Variants in CNTN4 observed in about 807,000 individuals in gnomAD.
CNTN4 encodes contactin-4.
A neutral mutation model predicts 122.5 loss-of-function variants in CNTN4; 77 were observed. The observed-to-expected ratio is 0.63, with a 90% CI of 0.52 to 0.76. The LOEUF is 0.76. Ranked by LOEUF, CNTN4 falls within the 30% of genes least tolerant of loss-of-function variation. The probability of loss-of-function intolerance (pLI) is 0.00; values close to 1 mark genes in which losing one functional copy is unlikely to be tolerated. For synonymous variants in CNTN4, 512 were observed against 447.0 expected (o/e 1.15, Z -1.83); for missense variants, 1,256 against 1,259.1 (o/e 1.00, Z 0.04).
intron 3 of CNTN4, among the ~76,000 whole-genome samples, chr3:2,520,330 T>A (rs1478158454): frequency 1.4e-5 from 2 of 138,392 alleles, no homozygotes; most frequent in South Asian, 2.3e-4. Context: ...TGGAGTGCAG[T>A]GGCACAATCT....
chr3:3,033,717 A>T (rs1699373530), intron 16 of CNTN4, among the ~76,000 whole-genome samples: 1 of 152,168 alleles, frequency 6.6e-6, no homozygotes, highest in Non-Finnish European at 1.5e-5. Context: ...ACTGCCTGGT[A>T]AGAGATTTTC....
chr3:2,302,944 G>T (rs2042576645), intron 2 of CNTN4, among the ~76,000 whole-genome samples: 1 of 152,194 alleles, frequency 6.6e-6, no homozygotes, highest in African/African-American at 2.4e-5. Context: ...AATATGTTTT[G>T]TATAATGGTG....
chr3:2,947,148 G>A (rs531980203), intron 13 of CNTN4, among the ~76,000 whole-genome samples: 15 of 152,200 alleles, frequency 9.9e-5, no homozygotes, highest in East Asian at 3.9e-4. Context: ...CATTGTTTTC[G>A]CATTGTAGTT....
At chr3:2,644,824 C>T (rs987564393) in intron 4 of CNTN4, among the ~76,000 whole-genome samples, 2 of 147,104 alleles carry the variant, frequency 1.4e-5, no homozygotes, top group Non-Finnish European at 3.0e-5. Flanking sequence ...GAGATAAACG[C>T]AGTGACTCTA....
intron 2 of CNTN4, among the ~76,000 whole-genome samples, chr3:2,270,892 G>A (rs2041267075): frequency 6.6e-6 from 1 of 152,156 alleles, no homozygotes; most frequent in African/African-American, 2.4e-5. Context: ...CCTATGTGAA[G>A]TGTTAGTTCA....
chr3:2,100,171 T>C (rs2031794222), intron 1 of CNTN4, among the ~76,000 whole-genome samples: 1 of 152,110 alleles, frequency 6.6e-6, no homozygotes, highest in Admixed American at 6.5e-5. Context: ...TGAGGTGTGT[T>C]GGAGGTTTAT....
intron 4 of CNTN4, among the ~76,000 whole-genome samples, chr3:2,714,125 A>G (rs971847550): frequency 6.6e-6 from 1 of 152,174 alleles, no homozygotes; most frequent in Non-Finnish European, 1.5e-5. Context: ...CATTATTGAA[A>G]TGGGCTCCCC....
intron 8 of CNTN4, among the ~76,000 whole-genome samples, chr3:2,878,187 G>A (rs1409450880): frequency 6.6e-6 from 1 of 152,170 alleles, no homozygotes; most frequent in South Asian, 2.1e-4. Context: ...CGTTCCTGTA[G>A]CCATAAATAT....
intron 3 of CNTN4, among the ~76,000 whole-genome samples, chr3:2,507,626 T>C (rs1002787551): frequency 6.6e-6 from 1 of 150,828 alleles, no homozygotes; most frequent in Non-Finnish European, 1.5e-5. Context: ...TCCCAGCTAC[T>C]CGGGAGGCTG....
At chr3:2,209,464 G>A (rs2038508558) in intron 2 of CNTN4, among the ~76,000 whole-genome samples, 1 of 152,106 alleles carries the variant, frequency 6.6e-6, no homozygotes, top group South Asian at 2.1e-4. Flanking sequence ...AGTTCAAACA[G>A]TATTCCATAC....
Position 3,034,910 on chromosome 3 carries a change from TG to T in CNTN4, c.1942+121del, listed in dbSNP as rs1329146954. 1.1e-5 allele frequency: 12 copies of T among 1,115,480 alleles called. No homozygotes were observed. In the Admixed American group the frequency reaches 1.9e-4, roughly 17 times the overall value. 69.1% of individuals were successfully genotyped at this position (1,115,480 alleles called of 1,614,324 possible). ...TACTACAAATGATATATTATGGCAG[TG>T]TTTCCTAAACCTCGGCCAACTGTAC... On this transcript the variant is annotated intron_variant, in intron 17 of 24. Transcript: ENST00000418658.
At chr3:2,226,132 G>C (rs919332171) in intron 2 of CNTN4, among the ~76,000 whole-genome samples, 1 of 152,032 alleles carries the variant, frequency 6.6e-6, no homozygotes, top group Admixed American at 6.6e-5. Flanking sequence ...CCCACGTTTT[G>C]CTTTTTTTTT....
At chr3:2,170,433 A>G (rs1263651732) in intron 2 of CNTN4, among the ~76,000 whole-genome samples, 1 of 152,228 alleles carries the variant, frequency 6.6e-6, no homozygotes, top group African/African-American at 2.4e-5. Flanking sequence ...CAAGACCTAC[A>G]TGAAAAAATA....
intron 2 of CNTN4, among the ~76,000 whole-genome samples, chr3:2,337,811 T>A (rs1559465702): frequency 6.6e-6 from 1 of 151,794 alleles, no homozygotes; most frequent in Non-Finnish European, 1.5e-5. Context: ...AACAAAAAAC[T>A]TTGACCGATG....
At chr3:2,127,291 G>A (rs989355198) in intron 2 of CNTN4, among the ~76,000 whole-genome samples, 3 of 152,110 alleles carry the variant, frequency 2.0e-5, no homozygotes, top group Non-Finnish European at 4.4e-5. Context: ...GTCCATCAGA[G>A]AACTTTCAGA....
At chr3:2,750,668 T>C (rs917136830) in intron 6 of CNTN4, among the ~76,000 whole-genome samples, 1 of 152,206 alleles carries the variant, frequency 6.6e-6, no homozygotes, top group Non-Finnish European at 1.5e-5. Flanking sequence ...ATCACTCCCC[T>C]CACTGTCACT....
chr3:2,878,767 C>T (rs6799459), intron 8 of CNTN4, among the ~76,000 whole-genome samples: 2,890 of 152,168 alleles, frequency 0.019, 93 homozygotes, highest in African/African-American at 0.067. Context: ...AAAAGACAGA[C>T]GCATTATTTG....
intron 4 of CNTN4, among the ~76,000 whole-genome samples, chr3:2,730,464 T>C (rs2088598744): frequency 1.5e-5 from 2 of 135,880 alleles, no homozygotes; most frequent in African/African-American, 6.4e-5. Flanking sequence ...TAGGTATAGT[T>C]TGACTTACCT....
intron 2 of CNTN4, among the ~76,000 whole-genome samples, chr3:2,243,254 T>G (rs1296032548): frequency 1.3e-5 from 2 of 152,172 alleles, no homozygotes; most frequent in Non-Finnish European, 2.9e-5. Context: ...ATGTTGACTT[T>G]ACTTTGTAAC....
Sources: allele counts gnomAD v4.1 joint callset (sites outside exome capture counted in the v4.1 genomes callset), GRCh38; gene constraint gnomAD v4.1.1; transcripts MANE v1.5; gene names NCBI Gene and HGNC (gene_info 2026-07-23, HGNC 2026-07-21).